Variants in PKIA observed in about 807,000 individuals in gnomAD.
PKIA encodes PKI-alpha.
PKIA carries 4 observed loss-of-function variants against 7.6 expected under a neutral mutation model. That is an observed-to-expected ratio of 0.52 (90% confidence interval 0.26 to 1.20). The LOEUF (loss-of-function observed/expected upper bound fraction) is 1.20, where lower values mean the gene tolerates loss of function less well. PKIA is among the 50% of genes most tolerant of loss of function. The pLI is 0.13. For missense variants in PKIA, 73 were observed against 86.2 expected (o/e 0.85, Z 0.61); for synonymous variants, 21 against 30.7 (o/e 0.68, Z 1.04).
At chr8:78,596,406 A>T (rs1808227019) in intron 2 of PKIA, among the ~76,000 whole-genome samples, 1 of 151,056 alleles carries the variant, frequency 6.6e-6, no homozygotes, top group Non-Finnish European at 1.5e-5. Context: ...GGCCTAGCTA[A>T]TTTTTGTATT....
chr8:78,587,774 T>C (rs763485084), intron 2 of PKIA, among the ~76,000 whole-genome samples: 2 of 152,222 alleles, frequency 1.3e-5, no homozygotes, highest in African/African-American at 2.4e-5. Context: ...ATTGTGAATA[T>C]AAGAAAAGAA....
intron 1 of PKIA, among the ~76,000 whole-genome samples, chr8:78,518,578 G>A (rs768427915): frequency 2.6e-5 from 4 of 152,160 alleles, no homozygotes; most frequent in Non-Finnish European, 4.4e-5. Flanking sequence ...CTGTAATGTT[G>A]ACAGTCACCT....
intron 2 of PKIA, among the ~76,000 whole-genome samples, chr8:78,591,911 T>G (rs545037428): frequency 3.9e-5 from 6 of 152,306 alleles, no homozygotes; most frequent in African/African-American, 1.4e-4. Flanking sequence ...GCTGGTCTAC[T>G]AAACTTCCGT....
At position 78,601,913 on chromosome 8, in the gene PKIA, A is replaced by G; in HGVS notation, c.*92A>G. 1 of 989,690 alleles carries G rather than the reference A, an allele frequency of 1.0e-6. No individual in the cohort carries two copies. The highest frequency in any genetic ancestry group is 2.0e-5 in the Admixed American group (1 of 50,488). The allele number at this position is 989,690 out of a possible 1,614,324, so 61.3% of individuals were successfully genotyped here. On this transcript the variant is annotated 3_prime_UTR_variant, in exon 4 of 4. Transcript: ENST00000396418. Reference sequence around the variant, plus strand: ...TTGTTTCCATGAGTGAAAAGAGGAAAAAGAAAATGGCTGTGCTGCATTGCA... The same window carrying G: ...TTGTTTCCATGAGTGAAAAGAGGAAGAAGAAAATGGCTGTGCTGCATTGCA...
chr8:78,575,088 C>T (rs934650032), intron 2 of PKIA, among the ~76,000 whole-genome samples: 7 of 151,736 alleles, frequency 4.6e-5, no homozygotes, highest in East Asian at 1.9e-4. Flanking sequence ...CTTCGGTAAC[C>T]GGGAAATTTT....
chr8:78,538,491 G>A (rs770938154), intron 1 of PKIA, among the ~76,000 whole-genome samples: 3 of 151,980 alleles, frequency 2.0e-5, no homozygotes, highest in Non-Finnish European at 2.9e-5. Flanking sequence ...AGGCATTCAA[G>A]CTTATTTTGG....
chr8:78,524,116 ATAAACATTTATATTTATAT>A (rs1563565739), intron 1 of PKIA, among the ~76,000 whole-genome samples: 14 of 133,048 alleles, frequency 1.1e-4, no homozygotes, highest in Admixed American at 2.3e-4. Flanking sequence ...AAATATATGT[ATAAACATTTATATTTATAT>A]ATAAACATTT....
At chr8:78,531,608 C>T (rs1296779941) in intron 1 of PKIA, among the ~76,000 whole-genome samples, 4 of 152,020 alleles carry the variant, frequency 2.6e-5, no homozygotes, top group Non-Finnish European at 4.4e-5. Context: ...AATTGAGGCA[C>T]AGAACAATTG....
At chr8:78,575,852 A>G (rs2118572610) in intron 2 of PKIA, among the ~76,000 whole-genome samples, 1 of 152,118 alleles carries the variant, frequency 6.6e-6, no homozygotes, top group East Asian at 1.9e-4. Flanking sequence ...CTGCCATAAC[A>G]AAATATCACA....
chr8:78,540,732 T>C (rs1806665210), intron 1 of PKIA, among the ~76,000 whole-genome samples: 1 of 151,928 alleles, frequency 6.6e-6, no homozygotes. Context: ...AGACATTCTG[T>C]ATGTGTTCAT....
intron 1 of PKIA, among the ~76,000 whole-genome samples, chr8:78,524,213 T>A (rs1809497066): frequency 7.2e-6 from 1 of 138,542 alleles, no homozygotes; most frequent in Admixed American, 7.4e-5. Flanking sequence ...TATATATATA[T>A]AAACATTTAT....
chr8:78,545,696 G>A (rs1234624181), intron 1 of PKIA, among the ~76,000 whole-genome samples: 10 of 152,164 alleles, frequency 6.6e-5, no homozygotes, highest in Admixed American at 3.3e-4. Flanking sequence ...GGGTTTTCTT[G>A]TCAAGGGAGA....
At chr8:78,566,332 G>A (rs1187602911) in intron 1 of PKIA, among the ~76,000 whole-genome samples, 9 of 152,034 alleles carry the variant, frequency 5.9e-5, no homozygotes, top group Non-Finnish European at 1.0e-4. Flanking sequence ...AAGATGGTGA[G>A]TGATCTCTGA....
intron 1 of PKIA, among the ~76,000 whole-genome samples, chr8:78,559,178 T>C (rs1470737864): frequency 6.6e-6 from 1 of 152,150 alleles, no homozygotes; most frequent in Non-Finnish European, 1.5e-5. Context: ...CGCCTCGGCC[T>C]CCCAAAGTGC....
At chr8:78,526,972 A>C (rs1484657105) in intron 1 of PKIA, among the ~76,000 whole-genome samples, 2 of 152,030 alleles carry the variant, frequency 1.3e-5, no homozygotes, top group Non-Finnish European at 2.9e-5. Context: ...TTTAAAAAAC[A>C]AGTACAAAAA....
intron 2 of PKIA, among the ~76,000 whole-genome samples, chr8:78,585,030 A>C (rs985594882): frequency 6.6e-6 from 1 of 152,090 alleles, no homozygotes; most frequent in Non-Finnish European, 1.5e-5. Flanking sequence ...GATAATATAC[A>C]ACATGTCATG....
At chr8:78,551,798 G>T (rs74648792) in intron 1 of PKIA, among the ~76,000 whole-genome samples, 5,204 of 151,938 alleles carry the variant, frequency 0.034, 136 homozygotes, top group African/African-American at 0.069. Context: ...GCTCTTCCCG[G>T]TATTTAAAAC....
At chr8:78,529,182 A>C (rs1160130874) in intron 1 of PKIA, among the ~76,000 whole-genome samples, 1 of 152,122 alleles carries the variant, frequency 6.6e-6, no homozygotes, top group Non-Finnish European at 1.5e-5. Flanking sequence ...TATAGCCTAT[A>C]AAATGATTTG....
intron 1 of PKIA, among the ~76,000 whole-genome samples, chr8:78,549,022 T>C (rs1806910751): frequency 6.6e-6 from 1 of 152,056 alleles, no homozygotes; most frequent in Non-Finnish European, 1.5e-5. Context: ...ATTTCTACGG[T>C]GTCTTAAATT....
Sources: gnomAD v4.1 joint callset for allele counts (sites outside exome capture counted in the v4.1 genomes callset) on GRCh38, gnomAD v4.1.1 for gene constraint, MANE v1.5 for transcripts, NCBI Gene and HGNC (gene_info 2026-07-23, HGNC 2026-07-21) for gene names.